CLPB: variants seen among roughly 807,000 people sequenced by gnomAD.
CLPB encodes mitochondrial disaggregase.
CLPB carries 40 observed loss-of-function variants against 78.4 expected under a neutral mutation model. That is an observed-to-expected ratio of 0.51 (90% CI 0.40 to 0.66). The LOEUF is 0.66. Ranked by LOEUF, CLPB falls within the 30% of genes least tolerant of loss-of-function variation. CLPB has a pLI of 0.00. For missense variants in CLPB, 780 were observed against 886.9 expected, an observed-to-expected ratio of 0.88 and a Z score of 1.53; for synonymous variants, 333 against 348.0, an observed-to-expected ratio of 0.96 and a Z score of 0.48.
rs1555083618 is a variant in CLPB at position 72,286,231 on chromosome 11, T to TTTTTTTTTTTTTTTG, written c.*7135_*7136insCAAAAAAAAAAAAAA. 1.7e-3 allele frequency: 225 copies of TTTTTTTTTTTTTTTG among 134,186 alleles called. 22 individuals are homozygous for TTTTTTTTTTTTTTTG. The East Asian group carries it at 0.022, about 13-fold the overall frequency. 8.3% of individuals were successfully genotyped at this position (134,186 alleles called of 1,614,324 possible). ...TGTGAGATACTGCACCTGTTTTTTT[T>TTTTTTTTTTTTTTTG]TTTTTTTTTTTTTTTAAGAGATAGG... On this transcript the variant is annotated 3_prime_UTR_variant, in exon 16 of 16. Coordinates refer to ENST00000538039, the MANE Select transcript of CLPB (RefSeq NM_001258392.3).
rs747632383 is a variant in CLPB, at chr11:72,295,571, G to A, written c.1407C>T (p.Ser469=). Residue 469 remains serine (S), a synonymous_variant, in exon 12 of 16, where the codon AGC becomes AGT. Coordinates refer to ENST00000538039, the MANE Select transcript of CLPB (RefSeq NM_001258392.3). ...GCAGCGCGTGCTGTGCGATCTCGTC[G>A]CTGGCCACATTGGAGGTCATGATGA... The part of the protein sequence containing the change: ...AIFIMTSNVA[S]DEIAQHALQL... 1.2e-5 allele frequency: 20 copies of A among 1,613,984 alleles called. No individual in the cohort carries two copies. The highest frequency in any genetic ancestry group is 1.1e-4 in the South Asian group (10 of 91,056).
At position 72,292,526 on chromosome 11, in the gene CLPB, T is replaced by G. The variant is rs1949467947; in HGVS notation, c.*841A>C. The G allele has an allele frequency of 6.6e-6, 1 of 152,276 alleles. No homozygotes were observed. The highest frequency in any genetic ancestry group is 1.5e-5 in the Non-Finnish European group (1 of 68,094). 9.4% of individuals were successfully genotyped at this position (152,276 alleles called of 1,614,324 possible). A position where few individuals can be genotyped will look rare whatever the true frequency, so the allele number is the denominator to read the frequency against. On this transcript the variant is annotated 3_prime_UTR_variant, in exon 16 of 16. Transcript: ENST00000538039. ...GGCTGAGGCTGACTCCATGGCCATGTGGGCAGAGGTCAAACCCATGATCTC... is the reference window on the plus strand; with the variant it reads ...GGCTGAGGCTGACTCCATGGCCATGGGGGCAGAGGTCAAACCCATGATCTC...
chr11:72,390,500 A>T (rs1469010471), intron 3 of CLPB, among the ~76,000 whole-genome samples: 1 of 152,028 alleles, frequency 6.6e-6, no homozygotes, highest in Non-Finnish European at 1.5e-5. Flanking sequence ...CCCAACAAAA[A>T]TGAGGCAAAG....
At chr11:72,320,702 C>G (rs768010149) in intron 6 of CLPB, among the ~76,000 whole-genome samples, 6 of 152,032 alleles carry the variant, frequency 3.9e-5, no homozygotes, top group Non-Finnish European at 8.8e-5. Flanking sequence ...GAATGACTGA[C>G]TTCTTTTATT....
Position 72,359,005 on chromosome 11 carries a change from A to G in CLPB, c.650T>C (p.Leu217Pro). The G allele has an allele frequency of 1.2e-6, 2 of 1,613,608 alleles. No homozygotes were observed. Among genetic ancestry groups the G allele is most frequent in the Non-Finnish European group, 1.7e-6 (2 of 1,179,982 alleles). The change falls in exon 5 of 16, where the codon CTG (leucine) becomes CCG (proline). Residue 217 changes from leucine to proline, a missense_variant. Around this residue, in one of 3 missense-constraint regions of CLPB, gnomAD observed 417 missense variants for 414.7 expected, o/e 1.01. Coordinates refer to ENST00000538039, the MANE Select transcript of CLPB (RefSeq NM_001258392.3). The stretch of plus-strand genomic sequence containing the variant: ...GTTGAAGTCATCCTCTCGGGTGATC[A>G]GGACTGGGGAGACAGCAACACAAAC... ...KEQGIHSLEV[L>P]ITREDDFNNR...
At chr11:72,304,669 C>A (rs1949715326) in intron 9 of CLPB, among the ~76,000 whole-genome samples, 1 of 152,198 alleles carries the variant, frequency 6.6e-6, no homozygotes, top group Non-Finnish European at 1.5e-5. Flanking sequence ...ACAAAGAATG[C>A]TTCTGAAGCA....
At chr11:72,307,047 C>G in intron 9 of CLPB, 152 bp downstream of exon 9, 1 of 602,678 alleles carries the variant, frequency 1.7e-6, no homozygotes, top group South Asian at 2.4e-5. Flanking sequence ...CAACTGGTGG[C>G]CAAGTTGGGG....
intron 2 of CLPB, among the ~76,000 whole-genome samples, chr11:72,410,338 A>G (rs1186281927): frequency 6.6e-6 from 1 of 152,204 alleles, no homozygotes. Context: ...CTTCATTTAC[A>G]TGATAGCTCC....
At chr11:72,334,764 G>A (rs923800468) in intron 5 of CLPB, among the ~76,000 whole-genome samples, 9 of 152,210 alleles carry the variant, frequency 5.9e-5, no homozygotes, top group African/African-American at 1.4e-4. Flanking sequence ...AATGCTAATC[G>A]CAGGTCATCC....
intron 3 of CLPB, among the ~76,000 whole-genome samples, chr11:72,392,706 G>C (rs991520969): frequency 6.6e-6 from 1 of 152,148 alleles, no homozygotes; most frequent in African/African-American, 2.4e-5. Flanking sequence ...CTTGCAATGA[G>C]GTACCAGTCC....
intron 6 of CLPB, 98 bp downstream of exon 6, chr11:72,329,609 G>C: frequency 2.8e-6 from 2 of 706,212 alleles, no homozygotes. Context: ...CACCTAAGGA[G>C]AAGTGGCCTT....
chr11:72,394,312 G>T (rs1264089207), intron 3 of CLPB, among the ~76,000 whole-genome samples: 1 of 152,088 alleles, frequency 6.6e-6, no homozygotes, highest in Admixed American at 6.5e-5. Context: ...TCCTAGAGAT[G>T]GAACACCCTG....
intron 5 of CLPB, among the ~76,000 whole-genome samples, chr11:72,347,700 C>T (rs1163802588): frequency 6.6e-6 from 1 of 152,058 alleles, no homozygotes; most frequent in Non-Finnish European, 1.5e-5. Flanking sequence ...CCACCCTCAC[C>T]CAAGATGTCC....
intron 3 of CLPB, among the ~76,000 whole-genome samples, chr11:72,383,366 A>G (rs934097408): frequency 1.3e-5 from 2 of 151,762 alleles, no homozygotes; most frequent in South Asian, 2.1e-4. Context: ...CTACTAAAAA[A>G]TAAAAAATAA....
rs766260304 is a variant in CLPB, at chr11:72,372,922, T to C, written c.646+7359A>G. On this transcript the variant is annotated intron_variant, in intron 4 of 15. Coordinates refer to ENST00000538039, the MANE Select transcript of CLPB (RefSeq NM_001258392.3). Reference sequence around the variant, plus strand: ...GAAATATTATACAGAGCAGTTCCATTACCGCCAGCGGGGAGTCCTAGCCAT... The same window carrying C: ...GAAATATTATACAGAGCAGTTCCATCACCGCCAGCGGGGAGTCCTAGCCAT... 2 of 1,613,200 alleles carry C rather than the reference T, an allele frequency of 1.2e-6. No homozygotes were observed. Among genetic ancestry groups the C allele is most frequent in the Admixed American group, 1.7e-5 (1 of 60,012 alleles).
rs531427310 is a variant in CLPB, at chr11:72,395,812, T to C, written c.542+7154A>G. ...CTACTTTCAAGCACAGGTACACTGG[T>C]ACTCTACCTGCTCCACGTATAGCTA... On this transcript the variant is annotated intron_variant, in intron 3 of 15. Coordinates refer to ENST00000538039, the MANE Select transcript of CLPB (RefSeq NM_001258392.3). Among the ~76,000 whole-genome samples, 166 of 152,166 alleles carry C rather than the reference T, an allele frequency of 1.1e-3. 1 individual carries two copies. The highest frequency in any genetic ancestry group is 5.3e-4 in the Non-Finnish European group (36 of 68,022).
At chr11:72,308,731 C>A (rs1368701890) in intron 7 of CLPB, 127 bp from the exon 8 acceptor site, 2 of 806,308 alleles carry the variant, frequency 2.5e-6, no homozygotes, top group Non-Finnish European at 4.2e-6. Context: ...AAAGTCCTCA[C>A]TACCATTAGT....
intron 6 of CLPB, among the ~76,000 whole-genome samples, chr11:72,318,939 C>A (rs1367446408): frequency 6.6e-6 from 1 of 152,196 alleles, no homozygotes; most frequent in Non-Finnish European, 1.5e-5. Context: ...GTCCACTGGG[C>A]TGGAGGCTCT....
At chr11:72,367,524 C>A (rs1950966450) in intron 4 of CLPB, among the ~76,000 whole-genome samples, 1 of 152,118 alleles carries the variant, frequency 6.6e-6, no homozygotes, top group Non-Finnish European at 1.5e-5. Context: ...TACCTGTTCT[C>A]ACTTATAAGT....
Sources: gnomAD v4.1 joint callset for allele counts (sites outside exome capture counted in the v4.1 genomes callset) on GRCh38, gnomAD v4.1.1 for gene constraint, gnomAD v4.1.1 regional missense constraint, MANE v1.5 for transcripts, NCBI Gene and HGNC (gene_info 2026-07-23, HGNC 2026-07-21) for gene names.